SECISBP2: variants seen among roughly 807,000 people sequenced by gnomAD.
SECISBP2 encodes selenocysteine insertion sequence-binding protein 2.
Under a neutral mutation model 98.2 loss-of-function variants are expected in SECISBP2, and 96 were observed. That is an observed-to-expected ratio of 0.98 (90% CI 0.83 to 1.16). SECISBP2 has a LOEUF of 1.16. Among genes scored for constraint, SECISBP2 ranks in the 50% most tolerant of loss-of-function variants. The probability of loss-of-function intolerance (pLI) is 0.00; values close to 1 mark genes in which losing one functional copy is unlikely to be tolerated. For synonymous variants in SECISBP2, 407 were observed against 370.2 expected (o/e 1.10, Z -1.14); for missense variants, 1,046 against 1,022.9 (o/e 1.02, Z -0.31).
chr9:89,338,113 C>T lies in SECISBP2; in HGVS notation c.1090-345C>T, dbSNP rs545189251. Among the ~76,000 whole-genome samples the T allele has an allele frequency of 5.3e-5, 8 of 152,224 alleles. No individual in the cohort carries two copies. The South Asian group carries it at 1.5e-3, about 28-fold the overall frequency. On this transcript the variant is annotated intron_variant, in intron 7 of 16. Coordinates refer to ENST00000375807, the MANE Select transcript of SECISBP2 (RefSeq NM_024077.5). ...ATGTGCAGATGAGGAACGACTGGGT[C>T]GTGCTGATGGAAATGGCCTGCCTGG...
chr9:89,341,555 T>C (rs1292207636), intron 10 of SECISBP2, 76 bp downstream of exon 10: 1 of 1,565,276 alleles, frequency 6.4e-7, no homozygotes, highest in Non-Finnish European at 8.8e-7. Context: ...CATTTTCTCT[T>C]GTTATCAAAA....
rs770152053 is a variant in SECISBP2, at chr9:89,319,726, C to A, written c.111C>A (p.Ser37=). Reference sequence around the variant, plus strand: ...GGCTCAATGTGGCATGGTTAGAGTCCTCAGAAGCATGTGTCTTCCCCAGCT... The same window carrying A: ...GGCTCAATGTGGCATGGTTAGAGTCATCAGAAGCATGTGTCTTCCCCAGCT... ...FAGLNVAWLE[S]SEACVFPSSA... is the part of the protein sequence containing the mutation. The change falls in exon 2 of 17, where the codon TCC becomes TCA. Residue 37 remains serine, a synonymous_variant. Coordinates refer to ENST00000375807, the MANE Select transcript of SECISBP2 (RefSeq NM_024077.5). The A allele has an allele frequency of 9.9e-6, 16 of 1,614,104 alleles. No homozygotes were observed. In the South Asian group the frequency reaches 1.8e-4, roughly 18 times the overall value.
intron 10 of SECISBP2, among the ~76,000 whole-genome samples, chr9:89,343,822 A>C (rs1400120718): frequency 6.6e-6 from 1 of 152,200 alleles, no homozygotes; most frequent in African/African-American, 2.4e-5. Context: ...GTGTCTTTAT[A>C]GTAGAATGAT....
intron 7 of SECISBP2, among the ~76,000 whole-genome samples, chr9:89,337,582 A>G (rs1047017741): frequency 6.6e-6 from 1 of 152,200 alleles, no homozygotes; most frequent in Non-Finnish European, 1.5e-5. Flanking sequence ...CATTTTATAC[A>G]CATTACCCTT....
Position 89,339,892 on chromosome 9 carries a change from T to G in SECISBP2, c.1241T>G (p.Val414Gly), listed in dbSNP as rs561964331. The G allele has an allele frequency of 1.2e-6, 2 of 1,613,860 alleles. No individual in the cohort carries two copies. The highest frequency in any genetic ancestry group is 2.2e-5 in the South Asian group (2 of 91,082). ...GCCGAGGAATTTCCCAACCTGGCAG[T>G]TGCATCTGAAAGAAGAGACAGAATA... ...EDAEEFPNLA[V>G]ASERRDRIET... Residue 414 changes from valine to glycine, a missense_variant, in exon 9 of 17, where the codon GTT becomes GGT. By Grantham distance (109) the Val-to-Gly change is moderately radical. Coordinates refer to ENST00000375807, the MANE Select transcript of SECISBP2 (RefSeq NM_024077.5).
At position 89,348,161 on chromosome 9, in the gene SECISBP2, AAGATGG is replaced by A; in HGVS notation, c.1689_1694del (p.Asp563_Gly564del). 6.2e-7 allele frequency: 1 copy of A among 1,614,230 alleles called. No homozygotes were observed. The highest frequency in any genetic ancestry group is 8.5e-7 in the Non-Finnish European group (1 of 1,180,014). On this transcript the variant is annotated inframe_deletion, in exon 12 of 17. Transcript: ENST00000375807. ...CCAGCTTTTACCAGTGATGACACAC[AAGATGG>A]AGAGAGTGGTGGTGATGACCAGTTT... is the stretch of plus-strand genomic sequence containing the variant.
intron 6 of SECISBP2, among the ~76,000 whole-genome samples, chr9:89,333,650 C>T (rs1828130969): frequency 6.6e-6 from 1 of 152,162 alleles, no homozygotes; most frequent in African/African-American, 2.4e-5. Flanking sequence ...GTTTTAACTC[C>T]ATAGACACCT....
In SECISBP2 at chr9:89,357,675, G is replaced by A. The variant is rs1003839255; in HGVS notation, c.2268+110G>A. The A allele has an allele frequency of 6.0e-5, 82 of 1,360,894 alleles. 1 individual carries two copies. The African/African-American group carries it at 8.8e-4, about 15-fold the overall frequency. 84.3% of individuals were successfully genotyped at this position (1,360,894 alleles called of 1,614,324 possible). On this transcript the variant is annotated intron_variant, in intron 15 of 16. Transcript: ENST00000375807. ...GCAGCCCCAGAACCTCCAGTAGGCTGTCATTGAGGAGGAGCCACCACTTAG... is the reference window on the plus strand; with the variant it reads ...GCAGCCCCAGAACCTCCAGTAGGCTATCATTGAGGAGGAGCCACCACTTAG...
intron 11 of SECISBP2, among the ~76,000 whole-genome samples, 182 bp from the exon 12 acceptor site, chr9:89,347,897 C>T (rs528815579): frequency 1.3e-5 from 2 of 152,250 alleles, no homozygotes; most frequent in African/African-American, 4.8e-5. Context: ...GAGGAACGTG[C>T]CCCTCCAAAA....
intron 7 of SECISBP2, among the ~76,000 whole-genome samples, chr9:89,335,297 G>C (rs1828469040): frequency 6.6e-6 from 1 of 151,948 alleles, no homozygotes; most frequent in African/African-American, 2.4e-5. Flanking sequence ...AAAAAGAGAT[G>C]TGCATCACGT....
In SECISBP2 at chr9:89,328,645, A is replaced by G. The variant is rs1827188950; in HGVS notation, c.575-15A>G. The G allele has an allele frequency of 1.2e-6, 2 of 1,609,010 alleles. No homozygotes were observed. Among genetic ancestry groups the G allele is most frequent in the African/African-American group, 1.3e-5 (1 of 74,826 alleles). On this transcript the variant is annotated splice_polypyrimidine_tract_variant and intron_variant, in intron 4 of 16. Transcript: ENST00000375807. ...AACTAAATTTTTACTCTTACTTTTA[A>G]TTTTGTAATTACAGATGGTTACCAT... is the stretch of plus-strand genomic sequence containing the variant.
At chr9:89,334,261 C>T (rs62547229) in intron 6 of SECISBP2, 43 of 1,110,108 alleles carry the variant, frequency 3.9e-5, no homozygotes, top group Non-Finnish European at 4.7e-5. Context: ...TGTTTGTCTA[C>T]CCACCTCCAA....
intron 7 of SECISBP2, among the ~76,000 whole-genome samples, chr9:89,337,030 T>TC (rs1828862954): frequency 1.3e-5 from 2 of 152,116 alleles, no homozygotes; most frequent in African/African-American, 4.8e-5. Context: ...TGCCTCGGCC[T>TC]CCCCAAATGC....
chr9:89,340,098 C>T (rs1829431868), intron 9 of SECISBP2, 145 bp downstream of exon 9: 3 of 642,372 alleles, frequency 4.7e-6, no homozygotes, highest in Non-Finnish European at 8.5e-6. Flanking sequence ...AGAACTGCAC[C>T]CAGCATGTTG....
At chr9:89,364,143 G>A (rs569320537), downstream of SECISBP2, 63 of 1,167,688 alleles carry the variant, frequency 5.4e-5, no homozygotes, top group African/African-American at 4.0e-4. Flanking sequence ...GCCTTGGCCC[G>A]TCCTGTGGAC....
At chr9:89,329,398 G>C (rs1378690318) in intron 5 of SECISBP2, 4 of 165,654 alleles carry the variant, frequency 2.4e-5, no homozygotes. Context: ...TTACAGGCGT[G>C]AGCCACCCAC....
chr9:89,335,216 A>G lies in SECISBP2; in HGVS notation c.1089+486A>G, dbSNP rs1175839541. Among the ~76,000 whole-genome samples the G allele has an allele frequency of 2.3e-5, 3 of 131,058 alleles. No individual in the cohort carries two copies. In the South Asian group the frequency reaches 6.8e-4, roughly 30 times the overall value. 86.0% of individuals were successfully genotyped at this position (131,058 alleles called of 152,430 possible). A position where few individuals can be genotyped will look rare whatever the true frequency, so the allele number is the denominator to read the frequency against. ...GGGCAACACAGTGAGACGTCGTCTG[A>G]AAAAAAAAAAAAAGTTAAGATGGTA... is the stretch of plus-strand genomic sequence containing the variant. On this transcript the variant is annotated intron_variant, in intron 7 of 16. Transcript: ENST00000375807.
chr9:89,360,794 T>G (rs1459278635), downstream of SECISBP2: 3 of 152,188 alleles, frequency 2.0e-5, no homozygotes, highest in Admixed American at 1.3e-4. Flanking sequence ...AACTGAACAA[T>G]GTACAACTCT....
intron 12 of SECISBP2, among the ~76,000 whole-genome samples, chr9:89,349,053 A>G (rs944159979): frequency 6.6e-6 from 1 of 152,188 alleles, no homozygotes; most frequent in Non-Finnish European, 1.5e-5. Context: ...CTCCTGCCCA[A>G]TGGGTTTCTG....
Sources: allele counts gnomAD v4.1 joint callset (sites outside exome capture counted in the v4.1 genomes callset), GRCh38; gene constraint gnomAD v4.1.1; transcripts MANE v1.5; gene names NCBI Gene and HGNC (gene_info 2026-07-23, HGNC 2026-07-21).